TET3: variants seen among roughly 807,000 people sequenced by gnomAD.
TET3 encodes the protein methylcytosine dioxygenase TET3.
TET3 carries 19 observed loss-of-function variants against 141.4 expected under a neutral mutation model. That is an observed-to-expected ratio of 0.13 (90% CI 0.09 to 0.20). The LOEUF (loss-of-function observed/expected upper bound fraction) is 0.20, where lower values mean the gene tolerates loss of function less well. TET3 is among the 10% of genes least tolerant of loss of function. The probability of loss-of-function intolerance (pLI) is 1.00; values close to 1 mark genes in which losing one functional copy is unlikely to be tolerated. For synonymous variants in TET3, 1,043 were observed against 980.9 expected, an observed-to-expected ratio of 1.06 and a Z score of -1.18; for missense variants, 1,874 against 2,356.9, an observed-to-expected ratio of 0.80 and a Z score of 4.24.
At chr2:73,995,853 G>T (rs2105106205) in intron 2 of TET3, among the ~76,000 whole-genome samples, 1 of 152,312 alleles carries the variant, frequency 6.6e-6, no homozygotes, top group Middle Eastern at 3.4e-3. Flanking sequence ...CCCAAGGTAA[G>T]TGGTGAGGTC....
the TET3 span, among the ~76,000 whole-genome samples, chr2:74,128,816 TACA>T: frequency 2.0e-3 from 294 of 150,272 alleles, 1 homozygote; most frequent in African/African-American, 6.3e-3. Flanking sequence ...ACCTCAACTC[TACA>T]ACAACAACAA....
intron 3 of TET3, among the ~76,000 whole-genome samples, chr2:74,034,932 C>G (rs921891475): frequency 1.3e-5 from 2 of 151,216 alleles, no homozygotes; most frequent in African/African-American, 4.9e-5. Context: ...GTGGCTATGC[C>G]TGTAATCCCA....
chr2:74,080,583 G>A lies in TET3; in HGVS notation c.2671G>A (p.Ala891Thr). ...EGKSSRGCPI[A>T]KWVIRRHTLE... Reference sequence around the variant, plus strand: ...AAAGAGCTCCCGCGGTTGCCCCATTGCAAAGTGGGTGAGTGTTGAGCCCAC... The same window carrying A: ...AAAGAGCTCCCGCGGTTGCCCCATTACAAAGTGGGTGAGTGTTGAGCCCAC... Residue 891 changes from alanine to threonine, a missense_variant, in exon 6 of 12, where the codon GCA (alanine) becomes ACA (threonine). Transcript: ENST00000409262. The A allele has an allele frequency of 6.2e-7, 1 of 1,611,398 alleles. No individual in the cohort carries two copies. Among genetic ancestry groups the A allele is most frequent in the Non-Finnish European group, 8.5e-7 (1 of 1,178,856 alleles).
At chr2:74,021,203 C>T (rs1170522612) in intron 3 of TET3, among the ~76,000 whole-genome samples, 1 of 152,172 alleles carries the variant, frequency 6.6e-6, no homozygotes, top group Non-Finnish European at 1.5e-5. Context: ...CCATGAGGCC[C>T]CAGCTGCATC....
chr2:74,064,435 T>A (rs1688764364), intron 4 of TET3, among the ~76,000 whole-genome samples: 1 of 152,242 alleles, frequency 6.6e-6, no homozygotes, highest in Non-Finnish European at 1.5e-5. Flanking sequence ...GGTCTTACTC[T>A]GTCTCCCAGG....
chr2:74,016,895 A>G lies in TET3; in HGVS notation c.360+13729A>G, dbSNP rs1685757358. 3.3e-5 allele frequency among the ~76,000 whole-genome samples: 5 copies of G among 151,972 alleles called. No homozygotes were observed. The South Asian group carries it at 1.0e-3, about 32-fold the overall frequency. On this transcript the variant is annotated intron_variant, in intron 3 of 11. Coordinates refer to ENST00000409262, the MANE Select transcript of TET3 (RefSeq NM_001287491.2). ...CATGTATATAATGTATAATCATTAA[A>G]TCAGGGTAATGAGAATATCCATCAC...
chr2:74,083,494 G>C lies in TET3; in HGVS notation c.2679+2903G>C, dbSNP rs540709796. ...TCTGCTGGGGGTTATGTTACTCTTG[G>C]TCTGGTGCTCAGGGAATTCTGCCTA... On this transcript the variant is annotated intron_variant, in intron 6 of 11. Coordinates refer to ENST00000409262, the MANE Select transcript of TET3 (RefSeq NM_001287491.2). Among the ~76,000 whole-genome samples the C allele has an allele frequency of 2.0e-5, 3 of 152,322 alleles. No homozygotes were observed. In the South Asian group the frequency reaches 6.2e-4, roughly 32 times the overall value.
the TET3 span, chr2:74,122,512 T>TATATATATATA: frequency 1.6e-4 from 7 of 43,138 alleles, no homozygotes; most frequent in South Asian, 1.2e-3. Context: ...TATATATATA[T>TATATATATATA]TTTTTTTTTT....
Position 74,047,409 on chromosome 2 carries a change from T to TCCC in TET3, c.1494_1496dup (p.Pro499dup). 6.2e-7 allele frequency: 1 copy of TCCC among 1,612,896 alleles called. No individual in the cohort carries two copies. The highest frequency in any genetic ancestry group is 8.5e-7 in the Non-Finnish European group (1 of 1,179,710). ...GGTCAAGGTGGAGGCACCCTCTTCC[T>TCCC]CCCCGGCCCCGGCCCCATCCCCTGT... On this transcript the variant is annotated inframe_insertion, in exon 4 of 12. Coordinates refer to ENST00000409262, the MANE Select transcript of TET3 (RefSeq NM_001287491.2).
Position 73,990,922 on chromosome 2 carries a change from AG to A in TET3, c.303+4219del, listed in dbSNP as rs1274074480. Among the ~76,000 whole-genome samples the A allele has an allele frequency of 4.1e-4, 63 of 152,276 alleles. 1 individual carries two copies. The highest frequency in any genetic ancestry group is 1.3e-4 in the Non-Finnish European group (9 of 68,012). ...GGAAGTGATGAGAATCTTTAGAGAA[AG>A]GGACCGCATCTGAGCATTTGTCAAG... On this transcript the variant is annotated intron_variant, in intron 2 of 11. Transcript: ENST00000409262.
intron 4 of TET3, among the ~76,000 whole-genome samples, chr2:74,073,023 T>A (rs910341473): frequency 1.1e-4 from 16 of 152,258 alleles, no homozygotes; most frequent in African/African-American, 2.9e-4. Context: ...TTTTCACCTT[T>A]TAGTTGTGGT....
rs79170439 is a variant in TET3, at chr2:74,101,960, G to C, written c.5172G>C (p.Gln1724His). The C allele has an allele frequency of 6.2e-7, 1 of 1,609,850 alleles. No homozygotes were observed. Residue 1724 changes from glutamine to histidine, a missense_variant, in exon 12 of 12, where the codon CAG becomes CAC. By Grantham distance (24) the Gln-to-His change is conservative. This residue lies in a region of TET3 where 113 missense variants were observed against 114.3 expected (regional missense o/e 0.99). Transcript: ENST00000409262. The surrounding 1 kb of genome is among the most constrained non-coding windows in gnomAD (Gnocchi z 8.5). ...TGGCGGAGAGGGCACGGGCACGGCA[G>C]GAGGAGGCTGCCCGGCTGGGCCTGG... ...KQLAERARAR[Q>H]EEAARLGLGQ...
intron 4 of TET3, among the ~76,000 whole-genome samples, chr2:74,068,872 T>C (rs1030229022): frequency 3.3e-5 from 5 of 152,258 alleles, no homozygotes; most frequent in Non-Finnish European, 5.9e-5. Flanking sequence ...CTTGTGTTGT[T>C]GACCTTGTTC....
chr2:74,089,080 C>CAA lies in TET3; in HGVS notation c.2889-794_2889-793dup, dbSNP rs34315040. On this transcript the variant is annotated intron_variant, in intron 7 of 11. Coordinates refer to ENST00000409262, the MANE Select transcript of TET3 (RefSeq NM_001287491.2). ...TGAGCAACAGAACAGGATTCCGTCT[C>CAA]AAAAAAAAAAAAAAAAAAAAAAAAG... Among the ~76,000 whole-genome samples the CAA allele has an allele frequency of 4.5e-3, 270 of 59,842 alleles. 2 individuals carry two copies. Among genetic ancestry groups the CAA allele is most frequent in the African/African-American group, 7.3e-3 (117 of 16,052 alleles). The allele number at this position is 59,842 out of a possible 152,430, so 39.3% of individuals were successfully genotyped here. A position where few individuals can be genotyped will look rare whatever the true frequency, so the allele number is the denominator to read the frequency against.
chr2:74,077,495 G>A (rs947922726), intron 5 of TET3, among the ~76,000 whole-genome samples: 1 of 152,204 alleles, frequency 6.6e-6, no homozygotes, highest in African/African-American at 2.4e-5. Context: ...TTGAGGGTCT[G>A]ATAGTTAATC....
At chr2:74,113,008 A>G (rs1691740858), downstream of TET3, among the ~76,000 whole-genome samples, 1 of 112,712 alleles carries the variant, frequency 8.9e-6, no homozygotes, top group Non-Finnish European at 1.7e-5. Flanking sequence ...CTCCGTCTCA[A>G]AAAAAAAAAA....
chr2:74,046,189 A>T lies in TET3; in HGVS notation c.361-89A>T, dbSNP rs558391087. 5 of 1,228,776 alleles carry T rather than the reference A, an allele frequency of 4.1e-6. No homozygotes were observed. In the Admixed American group the frequency reaches 1.7e-4, roughly 43 times the overall value. The allele number at this position is 1,228,776 out of a possible 1,614,324, so 76.1% of individuals were successfully genotyped here. A position where few individuals can be genotyped will look rare whatever the true frequency, so the allele number is the denominator to read the frequency against. ...GATTTGCAAGAAAAGTTGGGGTCAG[A>T]TGTGCACCTGAGTGGTATGAAGCAG... On this transcript the variant is annotated intron_variant, in intron 3 of 11. Transcript: ENST00000409262. This position sits in a 1 kb window ranked among gnomAD's most constrained non-coding sequence, Gnocchi z 4.3.
At chr2:74,030,401 TA>T (rs1686614742) in intron 3 of TET3, among the ~76,000 whole-genome samples, 1 of 152,214 alleles carries the variant, frequency 6.6e-6, no homozygotes, top group African/African-American at 2.4e-5. Context: ...GATGAGTGTA[TA>T]ATACTCTGTT....
chr2:74,122,457 A>ATATGTG, the TET3 span: 7 of 127,500 alleles, frequency 5.5e-5, no homozygotes, highest in African/African-American at 1.5e-4. Context: ...AAATATATAT[A>ATATGTG]TGTGTGTGTG....
Sources: gnomAD v4.1 joint callset for allele counts (sites outside exome capture counted in the v4.1 genomes callset) on GRCh38, gnomAD v4.1.1 for gene constraint, gnomAD v4.1.1 regional missense constraint, Gnocchi (gnomAD v3.1) non-coding constraint, MANE v1.5 for transcripts, NCBI Gene and HGNC (gene_info 2026-07-23, HGNC 2026-07-21) for gene names.